The following ATXN3 variants were observed in gnomAD, a reference collection of about 807,000 sequenced individuals.
ATXN3 encodes ataxin-3.
ATXN3 carries 28 observed loss-of-function variants against 58.2 expected under a neutral mutation model. The ratio of observed to expected loss-of-function variants is 0.48; its 90% CI spans 0.36 to 0.66. ATXN3 has a LOEUF of 0.66. Among genes scored for constraint, ATXN3 ranks in the 30% least tolerant of loss-of-function variants. The pLI, the probability that ATXN3 is intolerant of heterozygous loss-of-function variation, is 0.00. For synonymous variants in ATXN3, 113 were observed against 138.5 expected, an observed-to-expected ratio of 0.82 and a Z score of 1.29; for missense variants, 321 against 422.1, an observed-to-expected ratio of 0.76 and a Z score of 2.10.
chr14:92,092,135 C>A (rs7157769), intron 5 of ATXN3, among the ~76,000 whole-genome samples: 42,957 of 151,992 alleles, frequency 0.28, 6,420 homozygotes, highest in East Asian at 0.44. Context: ...CCTTCTCGTC[C>A]CCAGGCAACC....
intron 10 of ATXN3, 175 bp downstream of exon 10, chr14:92,070,760 T>G: frequency 1.7e-6 from 2 of 1,176,774 alleles, no homozygotes; most frequent in Admixed American, 3.1e-5. Context: ...TTTTTTTTTT[T>G]CTTTTGGTAA....
At chr14:92,065,886 G>C (rs115790215) in intron 10 of ATXN3, among the ~76,000 whole-genome samples, 1 of 126,996 alleles carries the variant, frequency 7.9e-6, no homozygotes, top group Admixed American at 7.4e-5. Flanking sequence ...GCCTAAAAAA[G>C]AAAAATAATA....
intron 10 of ATXN3, among the ~76,000 whole-genome samples, chr14:92,065,049 A>G (rs547413151): frequency 3.3e-5 from 5 of 152,322 alleles, no homozygotes; most frequent in African/African-American, 9.6e-5. Flanking sequence ...CACTACAATC[A>G]AGACATAGAA....
chr14:92,097,845 T>A (rs566451652), intron 1 of ATXN3, among the ~76,000 whole-genome samples: 1 of 152,158 alleles, frequency 6.6e-6, no homozygotes, highest in Non-Finnish European at 1.5e-5. Flanking sequence ...TTTAACATAG[T>A]TGAACTGAAC....
chr14:92,075,587 T>C (rs1199692884), intron 9 of ATXN3, among the ~76,000 whole-genome samples: 8 of 152,036 alleles, frequency 5.3e-5, no homozygotes, highest in African/African-American at 1.9e-4. Context: ...CTTCAAATAC[T>C]CAAAAAGGGA....
intron 1 of ATXN3, among the ~76,000 whole-genome samples, chr14:92,100,983 A>G (rs1226030894): frequency 6.6e-6 from 1 of 152,238 alleles, no homozygotes; most frequent in East Asian, 1.9e-4. Flanking sequence ...TTAATACCAT[A>G]TATAGCAATA....
chr14:92,089,182 A>G (rs1466930722), intron 5 of ATXN3, among the ~76,000 whole-genome samples: 1 of 150,740 alleles, frequency 6.6e-6, no homozygotes, highest in Admixed American at 6.6e-5. Flanking sequence ...ACACCCAGCT[A>G]ATTTTTGTAT....
chr14:92,096,472 A>C lies in ATXN3; in HGVS notation c.189+202T>G, dbSNP rs571147592. The C allele has an allele frequency of 2.6e-4, 205 of 778,062 alleles. No individual in the cohort carries two copies. The African/African-American group carries it at 3.3e-3, about 12-fold the overall frequency. 48.2% of individuals were successfully genotyped at this position (778,062 alleles called of 1,614,324 possible). Reference sequence around the variant, plus strand: ...ACCCCATCTCTAACAAAGATACAAAAAATTAGCCGGGCATAGTGCCGTGTG... The same window carrying C: ...ACCCCATCTCTAACAAAGATACAAACAATTAGCCGGGCATAGTGCCGTGTG... On this transcript the variant is annotated intron_variant, in intron 2 of 10. Coordinates refer to ENST00000644486, the MANE Select transcript of ATXN3 (RefSeq NM_004993.6).
At chr14:92,064,908 G>C (rs1240675231) in intron 10 of ATXN3, among the ~76,000 whole-genome samples, 10 of 152,106 alleles carry the variant, frequency 6.6e-5, no homozygotes, top group African/African-American at 2.4e-4. Flanking sequence ...GTACTCTTTT[G>C]CCCAATTTCA....
At chr14:92,095,975 T>A in intron 3 of ATXN3, 118 bp downstream of exon 3, 1 of 856,940 alleles carries the variant, frequency 1.2e-6, no homozygotes, top group Non-Finnish European at 2.0e-6. Flanking sequence ...TAGAGTATAA[T>A]CTATACTCTG....
intron 6 of ATXN3, among the ~76,000 whole-genome samples, chr14:92,085,927 TAGAC>T (rs2062381528): frequency 6.6e-6 from 1 of 152,100 alleles, no homozygotes; most frequent in Non-Finnish European, 1.5e-5. Context: ...AGGCCAAAGG[TAGAC>T]AGGGTTTCTA....
chr14:92,056,947 AG>A (rs1181834597), downstream of ATXN3, among the ~76,000 whole-genome samples: 1 of 152,218 alleles, frequency 6.6e-6, no homozygotes, highest in Non-Finnish European at 1.5e-5. Flanking sequence ...CTGATAAAAC[AG>A]GTTGCAGTAA....
At chr14:92,102,020 G>A (rs1024153494) in intron 1 of ATXN3, among the ~76,000 whole-genome samples, 2 of 151,960 alleles carry the variant, frequency 1.3e-5, no homozygotes, top group Non-Finnish European at 2.9e-5. Context: ...GGGCATGGTG[G>A]CACATGCCTA....
intron 1 of ATXN3, among the ~76,000 whole-genome samples, chr14:92,048,920 C>T (rs1369232973): frequency 6.6e-6 from 1 of 152,054 alleles, no homozygotes; most frequent in Non-Finnish European, 1.5e-5. Context: ...TGGGATGAGT[C>T]GCACTGGGAG....
At chr14:92,100,710 T>A (rs1162251584) in intron 1 of ATXN3, among the ~76,000 whole-genome samples, 1 of 152,076 alleles carries the variant, frequency 6.6e-6, no homozygotes, top group Non-Finnish European at 1.5e-5. Context: ...AGTGGTTATA[T>A]TTGGTGGGAA....
intron 1 of ATXN3, among the ~76,000 whole-genome samples, chr14:92,104,759 C>T (rs1413732236): frequency 3.3e-5 from 5 of 151,878 alleles, no homozygotes; most frequent in African/African-American, 1.2e-4. Flanking sequence ...CCTGTCTCTA[C>T]TAAAAATACA....
intron 5 of ATXN3, among the ~76,000 whole-genome samples, chr14:92,090,946 CTTTTTTTT>C (rs34338098): frequency 8.6e-6 from 1 of 116,462 alleles, no homozygotes; most frequent in African/African-American, 3.3e-5. Flanking sequence ...TGTAAGCTGC[CTTTTTTTT>C]TTTTTTTTTT....
chr14:92,073,358 A>G (rs548022637), intron 9 of ATXN3, among the ~76,000 whole-genome samples: 11 of 152,362 alleles, frequency 7.2e-5, no homozygotes, highest in Non-Finnish European at 4.4e-5. Flanking sequence ...CATGTCTTAG[A>G]TTATTTTACA....
chr14:92,100,539 A>C (rs532328336), intron 1 of ATXN3, among the ~76,000 whole-genome samples: 1 of 152,154 alleles, frequency 6.6e-6, no homozygotes, highest in Non-Finnish European at 1.5e-5. Flanking sequence ...GTAGTTAATT[A>C]ACAATAATTA....
Sources: gnomAD v4.1 joint callset for allele counts (sites outside exome capture counted in the v4.1 genomes callset) on GRCh38, gnomAD v4.1.1 for gene constraint, MANE v1.5 for transcripts, NCBI Gene and HGNC (gene_info 2026-07-23, HGNC 2026-07-21) for gene names.